Variants in ADAM23 observed in about 807,000 individuals in gnomAD.
ADAM23 encodes ADAM metallopeptidase domain 23.
ADAM23 carries 33 observed loss-of-function variants against 120.1 expected under a neutral mutation model. That is an observed-to-expected ratio of 0.27 (90% CI 0.21 to 0.37). The LOEUF (loss-of-function observed/expected upper bound fraction) is 0.37. Ranked by LOEUF, ADAM23 falls within the 10% of genes least tolerant of loss-of-function variation. ADAM23 has a pLI of 1.00. For missense variants in ADAM23, 862 were observed against 1,058.2 expected, an observed-to-expected ratio of 0.81 and a Z score of 2.57; for synonymous variants, 367 against 375.2, an observed-to-expected ratio of 0.98 and a Z score of 0.25.
chr2:206,584,859 T>C (rs984545166), intron 18 of ADAM23, among the ~76,000 whole-genome samples: 1 of 152,164 alleles, frequency 6.6e-6, no homozygotes, highest in Admixed American at 6.5e-5. Context: ...GTTGGATCCC[T>C]ATGGTGCTAG....
At chr2:206,501,339 A>C (rs1216131891) in intron 3 of ADAM23, among the ~76,000 whole-genome samples, 1 of 151,698 alleles carries the variant, frequency 6.6e-6, no homozygotes, top group African/African-American at 2.4e-5. Flanking sequence ...GCTATCAAGT[A>C]CTTTTTTTTT....
At chr2:206,602,490 T>C (rs1232239387) in intron 24 of ADAM23, among the ~76,000 whole-genome samples, 1 of 152,142 alleles carries the variant, frequency 6.6e-6, no homozygotes, top group Non-Finnish European at 1.5e-5. Flanking sequence ...TTTCTTGTCT[T>C]GAATGGTAGT....
intron 23 of ADAM23, 109 bp from the exon 24 acceptor site, chr2:206,595,942 C>T: frequency 1.2e-6 from 1 of 800,210 alleles, no homozygotes; most frequent in Non-Finnish European, 2.0e-6. Context: ...AAAAGAAATT[C>T]CAAATAGCTT....
intron 3 of ADAM23, among the ~76,000 whole-genome samples, chr2:206,523,306 C>A (rs1696881303): frequency 1.7e-4 from 1 of 5,820 alleles, no homozygotes; most frequent in South Asian, 2.0e-3. Flanking sequence ...CTCTTGTTAC[C>A]CCCAAAGAAA....
chr2:206,486,198 A>G (rs1171218232), intron 3 of ADAM23, among the ~76,000 whole-genome samples: 1 of 152,158 alleles, frequency 6.6e-6, no homozygotes, highest in Admixed American at 6.5e-5. Flanking sequence ...GGTCTTAGTT[A>G]TGGCCTTAGA....
chr2:206,504,114 G>A (rs1369804647), intron 3 of ADAM23, among the ~76,000 whole-genome samples: 2 of 151,838 alleles, frequency 1.3e-5, no homozygotes, highest in African/African-American at 4.8e-5. Flanking sequence ...ATATATTCAT[G>A]ACCTATTTCT....
chr2:206,462,719 G>A (rs891481252), intron 2 of ADAM23, among the ~76,000 whole-genome samples: 2 of 152,188 alleles, frequency 1.3e-5, no homozygotes, highest in Non-Finnish European at 2.9e-5. Flanking sequence ...GCCTCAGAAG[G>A]TTGATGGTGA....
intron 18 of ADAM23, among the ~76,000 whole-genome samples, chr2:206,586,431 G>C (rs1698323598): frequency 6.6e-6 from 1 of 152,044 alleles, no homozygotes; most frequent in African/African-American, 2.4e-5. Flanking sequence ...AGAACTAGCA[G>C]GATTTATGGA....
intron 13 of ADAM23, among the ~76,000 whole-genome samples, chr2:206,564,431 A>G (rs1484902340): frequency 6.6e-6 from 1 of 152,116 alleles, no homozygotes; most frequent in East Asian, 1.9e-4. Context: ...CCTCACTTCA[A>G]CTCTAACAAA....
intron 25 of ADAM23, among the ~76,000 whole-genome samples, chr2:206,614,257 T>TA (rs1213101347): frequency 6.6e-6 from 1 of 152,248 alleles, no homozygotes; most frequent in Non-Finnish European, 1.5e-5. Flanking sequence ...ACTCTGGATT[T>TA]AAGAGATTCT....
intron 3 of ADAM23, among the ~76,000 whole-genome samples, chr2:206,483,012 G>A (rs1230085362): frequency 1.3e-5 from 2 of 152,200 alleles, no homozygotes; most frequent in South Asian, 2.1e-4. Flanking sequence ...GTAAGCCTAG[G>A]GACAGCTCAG....
At chr2:206,559,529 C>G (rs1697715442) in intron 10 of ADAM23, among the ~76,000 whole-genome samples, 2 of 152,114 alleles carry the variant, frequency 1.3e-5, no homozygotes, top group African/African-American at 4.8e-5. Flanking sequence ...TGGTGCTTAT[C>G]TGGAGATTTA....
intron 2 of ADAM23, among the ~76,000 whole-genome samples, chr2:206,479,635 T>G (rs1370171681): frequency 6.6e-6 from 1 of 152,156 alleles, no homozygotes; most frequent in Non-Finnish European, 1.5e-5. Context: ...GAATAGAGGT[T>G]CTGTTGTGGA....
chr2:206,537,848 A>G (rs187459604), intron 4 of ADAM23, among the ~76,000 whole-genome samples: 98 of 152,338 alleles, frequency 6.4e-4, no homozygotes, highest in Non-Finnish European at 7.3e-5. Flanking sequence ...ATAATAATTT[A>G]AGCAATAACA....
Position 206,535,427 on chromosome 2 carries a change from A to T in ADAM23, c.573+4479A>T, listed in dbSNP as rs77360654. The stretch of plus-strand genomic sequence containing the variant: ...TCCTCAAAAAGTTCAACAAAGAGTT[A>T]CCATATCACCCAGCAGTTCTACTCC... On this transcript the variant is annotated intron_variant, in intron 4 of 25. Transcript: ENST00000264377. Among the ~76,000 whole-genome samples the T allele has an allele frequency of 4.4e-3, 672 of 152,356 alleles. 7 individuals are homozygous for T. The highest frequency in any genetic ancestry group is 0.015 in the African/African-American group (621 of 41,588).
intron 22 of ADAM23, among the ~76,000 whole-genome samples, chr2:206,593,317 A>G (rs1698461557): frequency 2.6e-5 from 4 of 152,140 alleles, no homozygotes; most frequent in South Asian, 4.1e-4. Context: ...GTTCCCTTCA[A>G]AGTAGTTATA....
intron 25 of ADAM23, 43 bp from the exon 26 acceptor site, chr2:206,617,535 AT>A (rs749587236): frequency 7.0e-6 from 11 of 1,566,190 alleles, no homozygotes; most frequent in Non-Finnish European, 9.5e-6. Flanking sequence ...AATATTGTGG[AT>A]TTTCCCCCTC....
intron 21 of ADAM23, among the ~76,000 whole-genome samples, chr2:206,591,813 G>T (rs545822074): frequency 2.0e-5 from 3 of 152,106 alleles, no homozygotes; most frequent in Non-Finnish European, 2.9e-5. Context: ...CCAACACTTG[G>T]TATTATCAGA....
At position 206,620,379 on chromosome 2, in the gene ADAM23, G is replaced by T. The variant is rs1699031854; in HGVS notation, c.*2752G>T. The T allele has an allele frequency of 6.6e-6, 1 of 152,150 alleles. No homozygotes were observed. Among genetic ancestry groups the T allele is most frequent in the African/African-American group, 2.4e-5 (1 of 41,440 alleles). 9.4% of individuals were successfully genotyped at this position (152,150 alleles called of 1,614,324 possible). A position where few individuals can be genotyped will look rare whatever the true frequency, so the allele number is the denominator to read the frequency against. On this transcript the variant is annotated 3_prime_UTR_variant, in exon 26 of 26. Coordinates refer to ENST00000264377, the MANE Select transcript of ADAM23 (RefSeq NM_003812.4). ...GTAAAATACACAAGCTTTAAGCTAT[G>T]TGTGTATGAATATGAAAGTTAATGC...
Sources: gnomAD v4.1 joint callset for allele counts (sites outside exome capture counted in the v4.1 genomes callset) on GRCh38, gnomAD v4.1.1 for gene constraint, MANE v1.5 for transcripts, NCBI Gene and HGNC (gene_info 2026-07-23, HGNC 2026-07-21) for gene names.